The following ANKRD31 variants were observed in gnomAD, a reference collection of about 807,000 sequenced individuals.
ANKRD31 encodes ankyrin repeat domain-containing protein 31.
ANKRD31 carries 147 observed loss-of-function variants against 186.0 expected under a neutral mutation model. The observed-to-expected ratio is 0.79, with a 90% CI of 0.69 to 0.91. The LOEUF is 0.91. Among genes scored for constraint, ANKRD31 ranks in the 40% least tolerant of loss-of-function variants. ANKRD31 has a pLI of 0.00. For synonymous variants in ANKRD31, 673 were observed against 736.4 expected (o/e 0.91, Z 1.39); for missense variants, 1,986 against 2,148.8 (o/e 0.92, Z 1.50).
intron 2 of ANKRD31, among the ~76,000 whole-genome samples, chr5:75,228,418 T>C (rs891787665): frequency 6.6e-6 from 1 of 152,210 alleles, no homozygotes; most frequent in South Asian, 2.1e-4. Context: ...TGTCATTTAG[T>C]AGAAATAAAT....
At chr5:75,110,994 G>A (rs1266370947) in intron 20 of ANKRD31, among the ~76,000 whole-genome samples, 2 of 151,476 alleles carry the variant, frequency 1.3e-5, no homozygotes, top group Non-Finnish European at 2.9e-5. Context: ...AAGATAATAC[G>A]TGTGGAAAAA....
chr5:75,147,591 T>C, intron 13 of ANKRD31, 86 bp from the exon 14 acceptor site: 1 of 963,658 alleles, frequency 1.0e-6, no homozygotes, highest in Non-Finnish European at 1.4e-6. Flanking sequence ...AATCAACTAT[T>C]ATTTGATTCA....
chr5:75,166,095 A>G (rs1341660351), intron 11 of ANKRD31, among the ~76,000 whole-genome samples: 1 of 152,204 alleles, frequency 6.6e-6, no homozygotes, highest in South Asian at 2.1e-4. Flanking sequence ...AAATACTCCA[A>G]TAACAAAATC....
intron 2 of ANKRD31, among the ~76,000 whole-genome samples, chr5:75,229,772 G>A (rs1757829941): frequency 6.8e-6 from 1 of 147,654 alleles, no homozygotes; most frequent in Non-Finnish European, 1.5e-5. Context: ...GGCTGAGGCA[G>A]AAGAATCGCT....
At chr5:75,180,131 A>C (rs7341033) in intron 10 of ANKRD31, among the ~76,000 whole-genome samples, 76,666 of 151,852 alleles carry the variant, frequency 0.5, 22,283 homozygotes, top group African/African-American at 0.81. Context: ...CTCCCATTCA[A>C]AATTGCTTCA....
At chr5:75,130,951 G>A (rs556024435) in intron 17 of ANKRD31, among the ~76,000 whole-genome samples, 1 of 152,368 alleles carries the variant, frequency 6.6e-6, no homozygotes, top group South Asian at 2.1e-4. Context: ...GAAAAGAGGG[G>A]AAGTGAGAAA....
chr5:75,130,872 C>A (rs916324502), intron 17 of ANKRD31, among the ~76,000 whole-genome samples: 30 of 152,238 alleles, frequency 2.0e-4, no homozygotes, highest in East Asian at 1.9e-4. Flanking sequence ...GCACTCACCA[C>A]GGGACTTTGC....
intron 10 of ANKRD31, among the ~76,000 whole-genome samples, chr5:75,176,054 C>T (rs1314901248): frequency 2.6e-5 from 4 of 152,160 alleles, no homozygotes; most frequent in African/African-American, 9.7e-5. Flanking sequence ...GCTTTTCCAA[C>T]AGGCTTAACA....
At chr5:75,175,865 G>A (rs4704185) in intron 10 of ANKRD31, among the ~76,000 whole-genome samples, 69,188 of 151,824 alleles carry the variant, frequency 0.46, 17,422 homozygotes, top group African/African-American at 0.68. Context: ...TCATCTCACT[G>A]TGGAGTGCCG....
At chr5:75,126,647 G>C (rs1749281546) in intron 17 of ANKRD31, among the ~76,000 whole-genome samples, 1 of 152,090 alleles carries the variant, frequency 6.6e-6, no homozygotes. Context: ...ATATGTTTCA[G>C]GTAATAAAAA....
In ANKRD31 at chr5:75,107,512, TCTACTCACC is replaced by T; in HGVS notation, c.4340_4340+8del. ...CAAAAGCACTCTTTTTTTTTCTTTT[TCTACTCACC>T]TGTATTTTTTAGCCAGATCATCCCT... On this transcript the variant is annotated splice_donor_variant and splice_donor_5th_base_variant and coding_sequence_variant and intron_variant, in exon 21 of 26. Transcript: ENST00000506364. LOFTEE classifies it high-confidence loss of function. The T allele has an allele frequency of 6.7e-7, 1 of 1,487,398 alleles. No homozygotes were observed. The highest frequency in any genetic ancestry group is 9.0e-7 in the Non-Finnish European group (1 of 1,116,146). 92.1% of individuals were successfully genotyped at this position (1,487,398 alleles called of 1,614,324 possible).
At chr5:75,168,672 A>G (rs1753099189) in intron 11 of ANKRD31, among the ~76,000 whole-genome samples, 1 of 152,180 alleles carries the variant, frequency 6.6e-6, no homozygotes, top group African/African-American at 2.4e-5. Flanking sequence ...CTCTATAAGA[A>G]GGAAACATTC....
At chr5:75,148,697 C>T (rs1751653645) in intron 12 of ANKRD31, 69 bp from the exon 13 acceptor site, 2 of 1,209,012 alleles carry the variant, frequency 1.7e-6, no homozygotes, top group East Asian at 2.7e-5. Flanking sequence ...CTAAAACCCA[C>T]CAGTCCTTTG....
chr5:75,132,171 C>T (rs60121375), intron 17 of ANKRD31, among the ~76,000 whole-genome samples: 51 of 152,332 alleles, frequency 3.3e-4, no homozygotes, highest in African/African-American at 1.2e-3. Flanking sequence ...ATGACTTTGA[C>T]GAGTTGAGGG....
chr5:75,135,035 T>C (rs1010727404), intron 17 of ANKRD31, among the ~76,000 whole-genome samples: 1 of 152,072 alleles, frequency 6.6e-6, no homozygotes, highest in African/African-American at 2.4e-5. Context: ...TAAGAGCTAT[T>C]TATGACAAAC....
At chr5:75,222,158 G>A (rs1580587513) in intron 3 of ANKRD31, 91 bp downstream of exon 3, 2 of 910,610 alleles carry the variant, frequency 2.2e-6, no homozygotes, top group South Asian at 4.4e-5. Context: ...GCAAAATATA[G>A]ACAAAAAGAA....
At chr5:75,232,873 C>T (rs1450662970) in intron 1 of ANKRD31, among the ~76,000 whole-genome samples, 1 of 152,076 alleles carries the variant, frequency 6.6e-6, no homozygotes, top group African/African-American at 2.4e-5. Flanking sequence ...AAGATGCCCT[C>T]CCTGTAGAAG....
intron 17 of ANKRD31, among the ~76,000 whole-genome samples, chr5:75,134,005 C>T (rs71541140): frequency 1.2e-4 from 18 of 152,044 alleles, no homozygotes; most frequent in Admixed American, 3.9e-4. Context: ...CTCGGGGACA[C>T]ATTTAAAGCA....
intron 3 of ANKRD31, among the ~76,000 whole-genome samples, chr5:75,218,464 A>G (rs1158259547): frequency 6.6e-6 from 1 of 152,162 alleles, no homozygotes; most frequent in Non-Finnish European, 1.5e-5. Flanking sequence ...CAGCCTACCA[A>G]CTAAAAAAAG....
Sources: gnomAD v4.1 joint callset for allele counts (sites outside exome capture counted in the v4.1 genomes callset) on GRCh38, gnomAD v4.1.1 for gene constraint, MANE v1.5 for transcripts, NCBI Gene and HGNC (gene_info 2026-07-23, HGNC 2026-07-21) for gene names.